HBP1: variants seen among roughly 807,000 people sequenced by gnomAD.
HBP1 encodes the protein HMG box-containing protein 1.
A neutral mutation model predicts 62.6 loss-of-function variants in HBP1; 20 were observed. The observed-to-expected ratio is 0.32, with a 90% CI of 0.22 to 0.46. HBP1 has a LOEUF of 0.46. Ranked by LOEUF, HBP1 falls within the 20% of genes least tolerant of loss-of-function variation. HBP1 has a pLI of 1.00. For missense variants in HBP1, 480 were observed against 611.8 expected, an observed-to-expected ratio of 0.78 and a Z score of 2.27; for synonymous variants, 232 against 206.2, an observed-to-expected ratio of 1.12 and a Z score of -1.07.
In HBP1 at chr7:107,185,821, T is replaced by C. The variant is rs1433674427; in HGVS notation, c.419T>C (p.Ile140Thr). The C allele has an allele frequency of 6.2e-7, 1 of 1,613,716 alleles. No individual in the cohort carries two copies. The highest frequency in any genetic ancestry group is 1.1e-5 in the South Asian group (1 of 91,062). The change falls in exon 4 of 11, where the codon ATA becomes ACA. Residue 140 changes from isoleucine to threonine, a missense_variant. Coordinates refer to ENST00000222574, the MANE Select transcript of HBP1 (RefSeq NM_012257.4). ...FYNRSSPVHI[I>T]ATSKSLHSYA... The stretch of plus-strand genomic sequence containing the variant: ...TTTAGATCATCTCCTGTACACATCA[T>C]AGCCACTAGCAAAAGTTTACATTCC...
intron 6 of HBP1, among the ~76,000 whole-genome samples, chr7:107,188,705 A>T (rs891615093): frequency 2.6e-5 from 4 of 152,152 alleles, no homozygotes; most frequent in African/African-American, 9.7e-5. Flanking sequence ...ATCCTCAGGT[A>T]ATTGAATATG....
chr7:107,171,557 C>T (rs891260430), intron 1 of HBP1, among the ~76,000 whole-genome samples: 3 of 151,990 alleles, frequency 2.0e-5, no homozygotes, highest in Non-Finnish European at 4.4e-5. Flanking sequence ...CCACCCCACG[C>T]ATACATTATC....
At chr7:107,194,058 G>T (rs1797776190) in intron 8 of HBP1, among the ~76,000 whole-genome samples, 1 of 152,186 alleles carries the variant, frequency 6.6e-6, no homozygotes, top group African/African-American at 2.4e-5. Flanking sequence ...GCACATTTGG[G>T]TACAGGTGCT....
In HBP1 at chr7:107,171,062, TATATATA is replaced by T. The variant is rs1405401991; in HGVS notation, c.-16+1878_-16+1884del. Among the ~76,000 whole-genome samples the T allele has an allele frequency of 5.3e-4, 36 of 67,316 alleles. 1 individual carries two copies. The highest frequency in any genetic ancestry group is 7.1e-4 in the Non-Finnish European group (29 of 40,674). The allele number at this position is 67,316 out of a possible 152,430, so 44.2% of individuals were successfully genotyped here. A position where few individuals can be genotyped will look rare whatever the true frequency, so the allele number is the denominator to read the frequency against. ...ACATGTATAAATATATATATATATA[TATATATA>T]TATATTTTTTTTTTTTTTTGAGAGG... On this transcript the variant is annotated intron_variant, in intron 1 of 10. Coordinates refer to ENST00000222574, the MANE Select transcript of HBP1 (RefSeq NM_012257.4).
intron 1 of HBP1, chr7:107,169,824 G>A: frequency 1.0e-6 from 1 of 985,140 alleles, no homozygotes; most frequent in Non-Finnish European, 1.2e-6. Flanking sequence ...GGAAGGGAGG[G>A]GAACGCGATG....
chr7:107,199,530 CA>C (rs1378618638), intron 9 of HBP1, among the ~76,000 whole-genome samples: 11 of 152,210 alleles, frequency 7.2e-5, no homozygotes, highest in Admixed American at 6.5e-5. Flanking sequence ...CCATATCAGT[CA>C]GTATAAAAAT....
chr7:107,180,124 G>T (rs1797042563), intron 2 of HBP1, 62 bp downstream of exon 2: 1 of 1,064,006 alleles, frequency 9.4e-7, no homozygotes, highest in South Asian at 1.7e-5. Flanking sequence ...TTTCTACTTA[G>T]CCCGCTTCTC....
rs774839245 is a variant in HBP1 at position 107,182,514 on chromosome 7, G to T, written c.311G>T (p.Arg104Leu). 9.3e-6 allele frequency: 15 copies of T among 1,613,514 alleles called. No homozygotes were observed. Among genetic ancestry groups the T allele is most frequent in the African/African-American group, 1.3e-5 (1 of 75,016 alleles). The stretch of plus-strand genomic sequence containing the variant: ...TCAGACATACCAGAAACTACTTACC[G>T]TGAAAATGAGGTGGACTGGCTAACA... ...NTSDIPETTY[R>L]ENEVDWLTEL... is the part of the protein sequence containing the mutation. Residue 104 changes from arginine (R) to leucine (L), a missense_variant, in exon 3 of 11, where the codon CGT (arginine) becomes CTT (leucine). Arg to Leu is a moderately radical substitution (Grantham distance 102). Transcript: ENST00000222574.
rs972170919 is a variant in HBP1 at position 107,190,051 on chromosome 7, A to G, written c.923-122A>G. The G allele has an allele frequency of 8.7e-6, 6 of 686,884 alleles. No homozygotes were observed. The Admixed American group carries it at 1.6e-4, about 19-fold the overall frequency. The allele number at this position is 686,884 out of a possible 1,614,324, so 42.5% of individuals were successfully genotyped here. On this transcript the variant is annotated intron_variant, in intron 7 of 10. Coordinates refer to ENST00000222574, the MANE Select transcript of HBP1 (RefSeq NM_012257.4). The stretch of plus-strand genomic sequence containing the variant: ...ATTGTAAAGATACATGACTTGTGTT[A>G]GAGAATCTCTTGAGACTTAGCAATA...
At chr7:107,189,742 A>G (rs932245793) in intron 7 of HBP1, 43 of 251,490 alleles carry the variant, frequency 1.7e-4, no homozygotes, top group African/African-American at 8.1e-4. Context: ...TAGTAATCAC[A>G]TTTTCATTAA....
At chr7:107,190,053 A>G (rs1797576369) in intron 7 of HBP1, 120 bp from the exon 8 acceptor site, 1 of 695,362 alleles carries the variant, frequency 1.4e-6, no homozygotes, top group Non-Finnish European at 2.4e-6. Context: ...CTTGTGTTAG[A>G]GAATCTCTTG....
chr7:107,181,998 ATATT>A (rs1194128846), intron 2 of HBP1, among the ~76,000 whole-genome samples: 1 of 152,200 alleles, frequency 6.6e-6, no homozygotes, highest in Non-Finnish European at 1.5e-5. Context: ...TAGTAGCTAA[ATATT>A]TATGTGATCT....
At chr7:107,195,428 T>C (rs116216718) in intron 8 of HBP1, among the ~76,000 whole-genome samples, 2,230 of 152,306 alleles carry the variant, frequency 0.015, 52 homozygotes, top group African/African-American at 0.052. Flanking sequence ...CCATTTTAAT[T>C]TTCTAGGTCT....
chr7:107,189,312 A>G lies in HBP1; in HGVS notation c.786A>G (p.Leu262=), dbSNP rs761166510. The G allele has an allele frequency of 5.0e-6, 8 of 1,612,878 alleles. No individual in the cohort carries two copies. The highest frequency in any genetic ancestry group is 6.8e-6 in the Non-Finnish European group (8 of 1,179,042). Residue 262 remains leucine, a synonymous_variant, in exon 7 of 11, where the codon CTA becomes CTG. Transcript: ENST00000222574. ...TTCAGGGCTATGGTTCTGATGGTCT[A>G]AAGTTGTTATCACATGAAGAAAGTG... ...GIHKGYGSDG[L]KLLSHEESVS...
chr7:107,193,752 G>C (rs892113957), intron 8 of HBP1, among the ~76,000 whole-genome samples: 3 of 152,184 alleles, frequency 2.0e-5, no homozygotes, highest in African/African-American at 7.2e-5. Context: ...CTGATTGAGA[G>C]GCAGTGTAGC....
intron 6 of HBP1, 38 bp downstream of exon 6, chr7:107,186,719 T>C (rs1012146565): frequency 3.5e-6 from 4 of 1,155,640 alleles, no homozygotes; most frequent in African/African-American, 3.1e-5. Flanking sequence ...TCAAAATCTT[T>C]CCAAATGAAA....
Position 107,185,862 on chromosome 7 carries a change from C to G in HBP1, c.460C>G (p.Pro154Ala). The change falls in exon 4 of 11, where the codon CCA becomes GCA. Residue 154 changes from proline to alanine, a missense_variant. Pro to Ala is a conservative substitution (Grantham distance 27). Around this residue, in one of 4 missense-constraint regions of HBP1, gnomAD observed 304 missense variants for 330.9 expected, o/e 0.92. Transcript: ENST00000222574. Reference protein sequence around the residue: ...KSLHSYARPPPVSSSSKSEPA... With the variant: ...KSLHSYARPPAVSSSSKSEPA... ...TTTACATTCCTATGCACGCCCTCCA[C>G]CAGTGTCCTCTTCTTCGAAGAGTGA... The G allele has an allele frequency of 6.2e-7, 1 of 1,612,286 alleles. No homozygotes were observed.
chr7:107,196,994 A>C (rs1402547461), intron 9 of HBP1: 1 of 152,182 alleles, frequency 6.6e-6, no homozygotes, highest in Non-Finnish European at 1.5e-5. Context: ...ACAGCTTTTC[A>C]CCTGAGTCAA....
At chr7:107,179,729 G>C in intron 1 of HBP1, 150 bp from the exon 2 acceptor site, 1 of 441,474 alleles carries the variant, frequency 2.3e-6, no homozygotes, top group South Asian at 4.8e-5. Flanking sequence ...CCGAGATCAC[G>C]CCACTGCACT....
Sources: gnomAD v4.1 joint callset for allele counts (sites outside exome capture counted in the v4.1 genomes callset) on GRCh38, gnomAD v4.1.1 for gene constraint, gnomAD v4.1.1 regional missense constraint, MANE v1.5 for transcripts, NCBI Gene and HGNC (gene_info 2026-07-23, HGNC 2026-07-21) for gene names.